Variants in PAN2 observed in about 807,000 individuals in gnomAD.
PAN2 encodes the protein PAN2-PAN3 deadenylation complex catalytic subunit PAN2.
A neutral mutation model predicts 133.3 loss-of-function variants in PAN2; 68 were observed. The observed-to-expected ratio is 0.51, with a 90% CI of 0.42 to 0.62. PAN2 has a LOEUF of 0.62. Among genes scored for constraint, PAN2 ranks in the 20% least tolerant of loss-of-function variants. The pLI, the probability that PAN2 is intolerant of heterozygous loss-of-function variation, is 0.00. For missense variants in PAN2, 1,042 were observed against 1,500.5 expected (o/e 0.69, Z 5.05); for synonymous variants, 462 against 544.6 (o/e 0.85, Z 2.11).
chr12:56,321,264 C>T (rs1309268409), intron 20 of PAN2, among the ~76,000 whole-genome samples: 5 of 145,382 alleles, frequency 3.4e-5, no homozygotes, highest in African/African-American at 1.3e-4. Context: ...GTTTCACTCT[C>T]GTCACCCAGG....
rs1415891291 is a variant in PAN2, at chr12:56,328,550, A to T, written c.374T>A (p.Leu125Gln). 6.2e-7 allele frequency: 1 copy of T among 1,614,124 alleles called. No individual in the cohort carries two copies. Among genetic ancestry groups the T allele is most frequent in the Non-Finnish European group, 8.5e-7 (1 of 1,180,014 alleles). Residue 125 changes from leucine (L) to glutamine (Q), a missense_variant, in exon 3 of 26, where the codon CTG becomes CAG. This residue lies in a region of PAN2 where 908 missense variants were observed against 1,223.5 expected (regional missense o/e 0.74). Transcript: ENST00000440411. ...GGTGAGAAAAAGGATACCATTCTCC[A>T]GGCTCTGGATCTGCCGAATATCATC... ...GSDDIRQIQS[L>Q]ENGILFLTKN...
Position 56,317,639 on chromosome 12 carries a change from T to G in PAN2, c.3567A>C (p.Ala1189=). The change falls in exon 26 of 26, where the codon GCA becomes GCC. Residue 1189 remains alanine, a synonymous_variant. Coordinates refer to ENST00000440411, the MANE Select transcript of PAN2 (RefSeq NM_014871.6). ...GCGCCAGCACTGAGGAGAAGACAGC[T>G]GCATCTGTCAGAGACAAAACCAAAA... ...EPEGQTSPKN[A]AVFSSVLAL 1 of 1,613,694 alleles carries G rather than the reference T, an allele frequency of 6.2e-7. No homozygotes were observed. The highest frequency in any genetic ancestry group is 8.5e-7 in the Non-Finnish European group (1 of 1,179,694).
chr12:56,317,609 T>C lies in PAN2; in HGVS notation c.3597A>G (p.Ter1199TrpextTer41), dbSNP rs1044884873. 11 of 1,613,588 alleles carry C rather than the reference T, an allele frequency of 6.8e-6. No homozygotes were observed. The highest frequency in any genetic ancestry group is 9.3e-6 in the Non-Finnish European group (11 of 1,179,616). Residue 1199 changes from the stop codon to tryptophan, a stop_lost, in exon 26 of 26, where the codon TGA becomes TGG. Coordinates refer to ENST00000440411, the MANE Select transcript of PAN2 (RefSeq NM_014871.6). The part of the protein sequence containing the change: ...AAVFSSVLAL[*>W] ...GGCCGTGGTTCTTTGGGAAGGGTAG[T>C]CAGAGCGCCAGCACTGAGGAGAAGA...
In PAN2 at chr12:56,325,387, A is replaced by C. The variant is rs1264740873; in HGVS notation, c.1427T>G (p.Val476Gly). 6.2e-7 allele frequency: 1 copy of C among 1,613,922 alleles called. No individual in the cohort carries two copies. The highest frequency in any genetic ancestry group is 1.7e-5 in the Admixed American group (1 of 59,996). ...GAGATGTGGTTCCTCTTCTCGTCCT[A>C]CTGGTGACTCAGTGACCTGGCTGAA... Reference protein sequence around the residue: ...DSFSQVTESPVGREEEPHLHM... With the variant: ...DSFSQVTESPGGREEEPHLHM... The change falls in exon 9 of 26, where the codon GTA (valine) becomes GGA (glycine). Residue 476 changes from valine (V) to glycine (G), a missense_variant. Val to Gly is a moderately radical substitution (Grantham distance 109). This residue lies in a region of PAN2 where 908 missense variants were observed against 1,223.5 expected (regional missense o/e 0.74). Coordinates refer to ENST00000440411, the MANE Select transcript of PAN2 (RefSeq NM_014871.6).
At chr12:56,318,766 T>C (rs894143348) in intron 24 of PAN2, among the ~76,000 whole-genome samples, 8 of 152,188 alleles carry the variant, frequency 5.3e-5, no homozygotes, top group African/African-American at 1.9e-4. Flanking sequence ...TATCGTGTAC[T>C]GGTGGGGACT....
intron 25 of PAN2, 90 bp from the exon 26 acceptor site, chr12:56,317,733 A>G: frequency 9.2e-7 from 1 of 1,088,352 alleles, no homozygotes; most frequent in Non-Finnish European, 1.4e-6. Flanking sequence ...TGCAAGAGAA[A>G]AAAGGGCATG....
Position 56,330,569 on chromosome 12 carries a change from C to T in PAN2, c.283-1928G>A, listed in dbSNP as rs537814196. On this transcript the variant is annotated intron_variant, in intron 2 of 25. Transcript: ENST00000440411. ...AGAGACGGGGTTTCACCGTTTTAGC[C>T]GGGATGGTCTCGATCTCCTGACCTC... Among the ~76,000 whole-genome samples, 85 of 151,458 alleles carry T rather than the reference C, an allele frequency of 5.6e-4. No individual in the cohort carries two copies. In the South Asian group the frequency reaches 0.014, roughly 25 times the overall value.
Position 56,320,028 on chromosome 12 carries a change from G to A in PAN2, c.2789-7C>T. ...GCCTCAATAGGGTTCTTGACTAGAA[G>A]GGAGAATGCAGAGGACACAGGGCTT... On this transcript the variant is annotated splice_region_variant and splice_polypyrimidine_tract_variant and intron_variant, in intron 20 of 25. Transcript: ENST00000440411. 1 of 1,614,094 alleles carries A rather than the reference G, an allele frequency of 6.2e-7. No homozygotes were observed.
At chr12:56,330,183 G>A (rs143916174) in intron 2 of PAN2, among the ~76,000 whole-genome samples, 236 of 152,096 alleles carry the variant, frequency 1.6e-3, no homozygotes, top group African/African-American at 5.6e-3. Flanking sequence ...CTATTCAAAT[G>A]TTACTTTATC....
chr12:56,317,877 C>A (rs1028413388), intron 25 of PAN2, among the ~76,000 whole-genome samples: 3 of 152,178 alleles, frequency 2.0e-5, no homozygotes, highest in Non-Finnish European at 4.4e-5. Context: ...TCCATATGTG[C>A]AATCAAAATC....
rs772681618 is a variant in PAN2, at chr12:56,319,374, G to A, written c.3204C>T (p.Leu1068=). ...CCACAAACTTGACTCCAATGTCAAT[G>A]AGAAAACGAAGCTTTAAGTAGGTAG... ...LKSTYLKLRF[L]IDIGVKFVGH... Residue 1068 remains leucine, a synonymous_variant, in exon 23 of 26, where the codon CTC becomes CTT. Coordinates refer to ENST00000440411, the MANE Select transcript of PAN2 (RefSeq NM_014871.6). This position sits in a 1 kb window ranked among gnomAD's most constrained non-coding sequence, Gnocchi z 5.4. 6.2e-7 allele frequency: 1 copy of A among 1,614,204 alleles called. No individual in the cohort carries two copies. The highest frequency in any genetic ancestry group is 8.5e-7 in the Non-Finnish European group (1 of 1,180,030).
chr12:56,319,544 A>G lies in PAN2; in HGVS notation c.3091-57T>C, dbSNP rs1489210795. On this transcript the variant is annotated intron_variant, in intron 22 of 25. Coordinates refer to ENST00000440411, the MANE Select transcript of PAN2 (RefSeq NM_014871.6). This position sits in a 1 kb window ranked among gnomAD's most constrained non-coding sequence, Gnocchi z 5.4. ...AGGAAGTGAGATGGAGTCTTCCCCT[A>G]TCACTCTTCCCTGGGTTCTTGAGCA... The G allele has an allele frequency of 2.5e-6, 4 of 1,591,346 alleles. No individual in the cohort carries two copies. Among genetic ancestry groups the G allele is most frequent in the African/African-American group, 1.3e-5 (1 of 74,190 alleles).
At chr12:56,330,144 T>A (rs1399439655) in intron 2 of PAN2, among the ~76,000 whole-genome samples, 2 of 152,090 alleles carry the variant, frequency 1.3e-5, no homozygotes, top group Non-Finnish European at 2.9e-5. Context: ...TGCCTCTTTG[T>A]TCCCCTTTTT....
At position 56,319,021 on chromosome 12, in the gene PAN2, T is replaced by A; in HGVS notation, c.3364+67A>T. 1 of 1,490,184 alleles carries A rather than the reference T, an allele frequency of 6.7e-7. No homozygotes were observed. The highest frequency in any genetic ancestry group is 9.4e-7 in the Non-Finnish European group (1 of 1,068,314). 92.3% of individuals were successfully genotyped at this position (1,490,184 alleles called of 1,614,324 possible). Reference sequence around the variant, plus strand: ...TCCATGTTGCCGCAAAGAACATGATTTCTTTTTTTTTAAATGGCTGCTTCT... The same window carrying A: ...TCCATGTTGCCGCAAAGAACATGATATCTTTTTTTTTAAATGGCTGCTTCT... On this transcript the variant is annotated intron_variant, in intron 24 of 25. Transcript: ENST00000440411. This position sits in a 1 kb window ranked among gnomAD's most constrained non-coding sequence, Gnocchi z 5.4.
rs369552232 is a variant in PAN2 at position 56,330,587 on chromosome 12, C to A, written c.283-1946G>T. On this transcript the variant is annotated intron_variant, in intron 2 of 25. Transcript: ENST00000440411. ...TTTTAGCCGGGATGGTCTCGATCTC[C>A]TGACCTCGTGATCCGCCCGCCTCGG... 5.9e-5 allele frequency among the ~76,000 whole-genome samples: 9 copies of A among 151,746 alleles called. No homozygotes were observed. The East Asian group carries it at 1.4e-3, about 23-fold the overall frequency.
chr12:56,327,942 G>C (rs1212775549), intron 5 of PAN2, 53 bp downstream of exon 5: 6 of 1,611,938 alleles, frequency 3.7e-6, no homozygotes, highest in Non-Finnish European at 5.1e-6. Flanking sequence ...ATCGCAATCA[G>C]GTATCTAGTG....
At position 56,328,641 on chromosome 12, in the gene PAN2, C is replaced by T. The variant is rs751498906; in HGVS notation, c.283G>A (p.Gly95Ser). 6.2e-6 allele frequency: 10 copies of T among 1,613,628 alleles called. No homozygotes were observed. In the Admixed American group the frequency reaches 1.0e-4, roughly 16 times the overall value. ...EEMLWVGSHG[G>S]HATSFFGPAL... ...GGGCCAAAAAATGAAGTGGCATGGC[C>T]CTATAGAGGACAAAGACAACAGAGA... is the stretch of plus-strand genomic sequence containing the variant. Residue 95 changes from glycine to serine, a missense_variant and splice_region_variant, in exon 3 of 26, where the codon GGC becomes AGC. Around this residue, in one of 3 missense-constraint regions of PAN2, gnomAD observed 908 missense variants for 1,223.5 expected, o/e 0.74. Transcript: ENST00000440411.
At position 56,323,199 on chromosome 12, in the gene PAN2, C is replaced by G; in HGVS notation, c.2356G>C (p.Gly786Arg). The G allele has an allele frequency of 6.2e-7, 1 of 1,614,050 alleles. No homozygotes were observed. Among genetic ancestry groups the G allele is most frequent in the Non-Finnish European group, 8.5e-7 (1 of 1,180,006 alleles). Reference sequence around the variant, plus strand: ...CACACCAGCACACCCTCTGGACTCCCTAGTTCCTTCCTATCAGGTCAGAAG... The same window carrying G: ...CACACCAGCACACCCTCTGGACTCCGTAGTTCCTTCCTATCAGGTCAGAAG... Reference protein sequence around the residue: ...EFALADWKELGSPEGVLVCPS... With the variant: ...EFALADWKELRSPEGVLVCPS... The change falls in exon 17 of 26, where the codon GGG (glycine) becomes CGG (arginine). Residue 786 changes from glycine to arginine, a missense_variant. Transcript: ENST00000440411.
rs1357008878 is a variant in PAN2, at chr12:56,326,916, G to A, written c.963C>T (p.Ala321=). 5 of 1,613,930 alleles carry A rather than the reference G, an allele frequency of 3.1e-6. No individual in the cohort carries two copies. Among genetic ancestry groups the A allele is most frequent in the East Asian group, 4.5e-5 (2 of 44,892 alleles). ...FCEPTGLANP[A]DIFHVNPVGP... ...CCACAGGATTCACATGAAAGATATC[G>A]GCTGGGTTGGCCAGGCCTGTGGGTT... The change falls in exon 7 of 26, where the codon GCC becomes GCT. Residue 321 remains alanine (A), a synonymous_variant. Transcript: ENST00000440411.
Sources: allele counts gnomAD v4.1 joint callset (sites outside exome capture counted in the v4.1 genomes callset), GRCh38; gene constraint gnomAD v4.1.1; regional missense constraint gnomAD v4.1.1; non-coding constraint Gnocchi (gnomAD v3.1); transcripts MANE v1.5; gene names NCBI Gene and HGNC (gene_info 2026-07-23, HGNC 2026-07-21).